The following NAPB variants were observed in gnomAD, a reference collection of about 807,000 sequenced individuals.
NAPB encodes the protein NSF attachment protein beta.
In NAPB, 26 loss-of-function variants were observed where a neutral mutation model predicts 44.7. The ratio of observed to expected loss-of-function variants is 0.58; its 90% CI spans 0.43 to 0.81. NAPB has a LOEUF of 0.81. NAPB is among the 30% of genes least tolerant of loss of function. The pLI, the probability that NAPB is intolerant of heterozygous loss-of-function variation, is 0.00. For synonymous variants in NAPB, 120 were observed against 116.8 expected (o/e 1.03, Z -0.18); for missense variants, 315 against 356.4 (o/e 0.88, Z 0.94).
At chr20:23,420,049 T>C (rs1320509261) in intron 1 of NAPB, among the ~76,000 whole-genome samples, 1 of 152,232 alleles carries the variant, frequency 6.6e-6, no homozygotes, top group Non-Finnish European at 1.5e-5. Flanking sequence ...ATGGGTTAAG[T>C]ATCTGCTCTT....
At chr20:23,411,100 A>G (rs991036006) in intron 1 of NAPB, among the ~76,000 whole-genome samples, 2 of 152,224 alleles carry the variant, frequency 1.3e-5, no homozygotes, top group African/African-American at 4.8e-5. Context: ...GCAAAGAGCC[A>G]ATATCCATGT....
At chr20:23,385,763 A>AAGAG (rs11468639) in intron 7 of NAPB, among the ~76,000 whole-genome samples, 5 of 149,176 alleles carry the variant, frequency 3.4e-5, no homozygotes, top group Admixed American at 1.3e-4. Flanking sequence ...GAAAGAGAGA[A>AAGAG]AGAGAGAGAG....
intron 7 of NAPB, among the ~76,000 whole-genome samples, chr20:23,385,872 A>T (rs1047452535): frequency 6.6e-6 from 1 of 152,318 alleles, no homozygotes; most frequent in African/African-American, 2.4e-5. Context: ...TATAAACATC[A>T]CCCAATAACA....
intron 7 of NAPB, among the ~76,000 whole-genome samples, chr20:23,384,252 G>A (rs551961467): frequency 6.6e-6 from 1 of 152,144 alleles, no homozygotes; most frequent in Non-Finnish European, 1.5e-5. Context: ...AGGAATAACT[G>A]TACTTAGAAA....
At chr20:23,407,192 A>G (rs1985314020) in intron 1 of NAPB, among the ~76,000 whole-genome samples, 1 of 152,242 alleles carries the variant, frequency 6.6e-6, no homozygotes, top group East Asian at 1.9e-4. Context: ...CCATAACTTT[A>G]AAACTTCCTG....
chr20:23,418,080 A>G (rs1986130215), intron 1 of NAPB, among the ~76,000 whole-genome samples: 1 of 152,244 alleles, frequency 6.6e-6, no homozygotes, highest in African/African-American at 2.4e-5. Flanking sequence ...GTGATGTGAA[A>G]TATCTGCAAT....
At chr20:23,412,419 T>C (rs1985715568) in intron 1 of NAPB, among the ~76,000 whole-genome samples, 2 of 152,162 alleles carry the variant, frequency 1.3e-5, no homozygotes, top group Non-Finnish European at 2.9e-5. Flanking sequence ...CAAAGTAGAA[T>C]TTGGGCTCAA....
chr20:23,381,148 C>T, intron 8 of NAPB, 65 bp downstream of exon 8: 1 of 1,077,732 alleles, frequency 9.3e-7, no homozygotes, highest in Non-Finnish European at 1.4e-6. Flanking sequence ...ATACCAAGAA[C>T]AAGAGAGAAT....
In NAPB at chr20:23,420,098, AC is replaced by A. The variant is rs1285912971; in HGVS notation, c.98+1206del. ...GATCTTTCACTTTCAAAAGAAAACA[AC>A]GAAACAGGCACACACAAAATTTCTG... On this transcript the variant is annotated intron_variant, in intron 1 of 10. Transcript: ENST00000377026. Among the ~76,000 whole-genome samples, 14 of 152,188 alleles carry A rather than the reference AC, an allele frequency of 9.2e-5. 1 individual carries two copies. The highest frequency in any genetic ancestry group is 9.2e-4 in the Admixed American group (14 of 15,278).
At chr20:23,383,068 T>C (rs970075004) in intron 7 of NAPB, among the ~76,000 whole-genome samples, 1 of 150,322 alleles carries the variant, frequency 6.7e-6, no homozygotes. Flanking sequence ...GACAGGAGAA[T>C]TGCTTGAACC....
At chr20:23,383,846 T>C (rs1983243242) in intron 7 of NAPB, among the ~76,000 whole-genome samples, 1 of 152,194 alleles carries the variant, frequency 6.6e-6, no homozygotes, top group Middle Eastern at 3.2e-3. Context: ...TAACATTGAC[T>C]CATGTGGTTC....
At chr20:23,381,387 G>C in intron 7 of NAPB, 70 bp from the exon 8 acceptor site, 1 of 922,988 alleles carries the variant, frequency 1.1e-6, no homozygotes, top group South Asian at 1.8e-5. Flanking sequence ...ATTCTCATCT[G>C]TTGTCCTTTA....
chr20:23,379,979 A>C, intron 8 of NAPB, 44 bp from the exon 9 acceptor site: 4 of 1,520,562 alleles, frequency 2.6e-6, no homozygotes, highest in Non-Finnish European at 3.6e-6. Context: ...TTACTAAACA[A>C]ACAAAGCTTT....
intron 10 of NAPB, among the ~76,000 whole-genome samples, chr20:23,377,940 CA>C (rs1306987213): frequency 2.6e-5 from 4 of 152,190 alleles, no homozygotes; most frequent in East Asian, 1.9e-4. Flanking sequence ...ATGTGGTAGG[CA>C]AAAGTCAGAC....
chr20:23,420,443 G>C (rs546381166), intron 1 of NAPB, among the ~76,000 whole-genome samples: 14 of 152,216 alleles, frequency 9.2e-5, no homozygotes, highest in African/African-American at 1.7e-4. Context: ...CTGGAGAGAG[G>C]CCAACAAGCA....
intron 1 of NAPB, among the ~76,000 whole-genome samples, chr20:23,419,038 C>A (rs768520877): frequency 6.6e-6 from 1 of 152,116 alleles, no homozygotes; most frequent in African/African-American, 2.4e-5. Flanking sequence ...ATAACTGGAG[C>A]TGATAATTTT....
intron 2 of NAPB, among the ~76,000 whole-genome samples, chr20:23,397,567 A>C (rs914500421): frequency 1.3e-5 from 2 of 151,382 alleles, no homozygotes; most frequent in Non-Finnish European, 2.9e-5. Flanking sequence ...TAAAACACTG[A>C]GCGCAAAGAT....
intron 1 of NAPB, among the ~76,000 whole-genome samples, chr20:23,420,323 A>C (rs1176469308): frequency 6.6e-6 from 1 of 152,254 alleles, no homozygotes; most frequent in Non-Finnish European, 1.5e-5. Flanking sequence ...TTAATCAAAC[A>C]GGAGGCTCTG....
intron 2 of NAPB, among the ~76,000 whole-genome samples, chr20:23,398,768 C>T (rs528161044): frequency 8.0e-5 from 12 of 149,384 alleles, no homozygotes; most frequent in African/African-American, 2.7e-4. Context: ...TGCTTGAATC[C>T]GGGAGGCGGA....
Sources: allele counts gnomAD v4.1 joint callset (sites outside exome capture counted in the v4.1 genomes callset), GRCh38; gene constraint gnomAD v4.1.1; transcripts MANE v1.5; gene names NCBI Gene and HGNC (gene_info 2026-07-23, HGNC 2026-07-21).